Variants in CEP152 observed in about 807,000 individuals in gnomAD.
CEP152 encodes centrosomal protein 152.
CEP152 carries 132 observed loss-of-function variants against 188.9 expected under a neutral mutation model. The observed-to-expected ratio is 0.70, with a 90% CI of 0.61 to 0.81. The LOEUF (loss-of-function observed/expected upper bound fraction) is 0.81. Ranked by LOEUF, CEP152 falls within the 30% of genes least tolerant of loss-of-function variation. CEP152 has a pLI of 0.00. For synonymous variants in CEP152, 649 were observed against 666.6 expected, an observed-to-expected ratio of 0.97 and a Z score of 0.41; for missense variants, 1,914 against 1,969.8, an observed-to-expected ratio of 0.97 and a Z score of 0.54.
intron 20 of CEP152, among the ~76,000 whole-genome samples, chr15:48,753,446 C>G (rs1894026155): frequency 6.6e-6 from 1 of 152,124 alleles, no homozygotes; most frequent in African/African-American, 2.4e-5. Flanking sequence ...ACTATATATG[C>G]CTGATTCTAG....
Position 48,788,993 on chromosome 15 carries a change from C to G in CEP152, c.981G>C (p.Lys327Asn), listed in dbSNP as rs17339589. ...GAGCCATTTCAGTTGTTCTGGACTT[C>G]TTGATCATCTAGTAAATACACACAG... ...ALKVNEEQMI[K>N]KSRTTEMALE... Residue 327 changes from lysine to asparagine, a missense_variant, in exon 9 of 27, where the codon AAG becomes AAC. Coordinates refer to ENST00000380950, the MANE Select transcript of CEP152 (RefSeq NM_001194998.2). 6.2e-7 allele frequency: 1 copy of G among 1,613,818 alleles called. No individual in the cohort carries two copies. The highest frequency in any genetic ancestry group is 8.5e-7 in the Non-Finnish European group (1 of 1,179,822).
rs867699573 is a variant in CEP152, at chr15:48,756,529, T to G, written c.2719A>C (p.Lys907Gln). 1.2e-5 allele frequency: 20 copies of G among 1,607,648 alleles called. No individual in the cohort carries two copies. The East Asian group carries it at 4.2e-4, about 34-fold the overall frequency. ...TCAAGCTCACTCTTCCATTTCTCTT[T>G]AGCTTCAGAAACAGCAAATGATATC... ...KRISFAVSEA[K>Q]EKWKSELENM... Residue 907 changes from lysine to glutamine, a missense_variant, in exon 20 of 27, where the codon AAA becomes CAA. Physicochemically the swap from Lys to Gln is moderately conservative, Grantham distance 53. Coordinates refer to ENST00000380950, the MANE Select transcript of CEP152 (RefSeq NM_001194998.2).
chr15:48,784,178 A>G, intron 9 of CEP152, 58 bp from the exon 10 acceptor site: 1 of 1,506,072 alleles, frequency 6.6e-7, no homozygotes, highest in Non-Finnish European at 9.1e-7. Flanking sequence ...TAAAGAGTAA[A>G]CTAAAAATTA....
chr15:48,758,118 C>A (rs954932036), intron 19 of CEP152, among the ~76,000 whole-genome samples: 2 of 152,186 alleles, frequency 1.3e-5, no homozygotes, highest in Admixed American at 6.5e-5. Flanking sequence ...AGGGGCCAGG[C>A]AACAGTATTT....
chr15:48,746,800 A>T (rs1893465628), intron 22 of CEP152, among the ~76,000 whole-genome samples: 1 of 152,198 alleles, frequency 6.6e-6, no homozygotes, highest in Non-Finnish European at 1.5e-5. Flanking sequence ...TATAAAAAGC[A>T]TAGGAACTAT....
chr15:48,751,798 C>CA (rs1893894245), intron 21 of CEP152, among the ~76,000 whole-genome samples: 4 of 152,116 alleles, frequency 2.6e-5, no homozygotes, highest in Admixed American at 2.0e-4. Flanking sequence ...GCTCTGAATA[C>CA]AAGCGGCTCT....
At chr15:48,794,260 A>G (rs1031591714) in intron 6 of CEP152, among the ~76,000 whole-genome samples, 1 of 148,766 alleles carries the variant, frequency 6.7e-6, no homozygotes, top group Admixed American at 6.6e-5. Context: ...TTAAAAAGAG[A>G]AAAAAAATGG....
rs1021978522 is a variant in CEP152, at chr15:48,767,437, T to A, written c.2045A>T (p.His682Leu). 2 of 1,614,062 alleles carry A rather than the reference T, an allele frequency of 1.2e-6. No individual in the cohort carries two copies. Residue 682 changes from histidine to leucine, a missense_variant, in exon 16 of 27, where the codon CAT becomes CTT. His to Leu is a moderately conservative substitution (Grantham distance 99). Transcript: ENST00000380950. The part of the protein sequence containing the change: ...DRCERTYQQH[H>L]EAMKTQIRES... The stretch of plus-strand genomic sequence containing the variant: ...ACGTATTTGAGTTTTCATGGCTTCA[T>A]GGTGCTGCTGATAAGTCCTTTCACA...
chr15:48,741,333 T>C, intron 26 of CEP152: 1 of 1,239,532 alleles, frequency 8.1e-7, no homozygotes, highest in South Asian at 1.6e-5. Context: ...ATTTCTTCTT[T>C]TTCTCATTCT....
intron 1 of CEP152, among the ~76,000 whole-genome samples, chr15:48,807,990 C>T (rs1399826334): frequency 6.6e-6 from 1 of 151,814 alleles, no homozygotes; most frequent in African/African-American, 2.4e-5. Context: ...TCTAAAAATA[C>T]CTGAAAAGAC....
At chr15:48,755,819 A>C in intron 20 of CEP152, 84 bp downstream of exon 20, 1 of 1,590,210 alleles carries the variant, frequency 6.3e-7, no homozygotes. Context: ...CTAAAATTTA[A>C]AAGGAAAAAA....
chr15:48,746,975 G>A lies in CEP152; in HGVS notation c.3634+1468C>T, dbSNP rs999420867. On this transcript the variant is annotated intron_variant, in intron 22 of 26. Transcript: ENST00000380950. ...ATGAAATCCATGCTATGGCTCTACTGAGAGAAATTAAGAGAGCTGGGGGAA... is the reference window on the plus strand; with the variant it reads ...ATGAAATCCATGCTATGGCTCTACTAAGAGAAATTAAGAGAGCTGGGGGAA... 1.2e-4 allele frequency among the ~76,000 whole-genome samples: 19 copies of A among 152,300 alleles called. No individual in the cohort carries two copies. The South Asian group carries it at 2.9e-3, about 23-fold the overall frequency.
chr15:48,789,817 G>A (rs1045096202), intron 8 of CEP152, among the ~76,000 whole-genome samples: 9 of 152,140 alleles, frequency 5.9e-5, no homozygotes, highest in Non-Finnish European at 1.2e-4. Flanking sequence ...TAAAGCCTCC[G>A]GAAAGCAATG....
intron 2 of CEP152, among the ~76,000 whole-genome samples, chr15:48,730,947 C>T (rs1365599160): frequency 3.3e-5 from 5 of 152,024 alleles, no homozygotes; most frequent in African/African-American, 1.2e-4. Context: ...AAATTTATAG[C>T]GTATGTAAAG....
intron 2 of CEP152, among the ~76,000 whole-genome samples, chr15:48,798,856 T>C (rs901318006): frequency 4.5e-4 from 69 of 152,344 alleles, no homozygotes; most frequent in East Asian, 1.9e-4. Context: ...CTGTTAGACA[T>C]AATTCAATAA....
chr15:48,794,027 A>C (rs952981832), intron 6 of CEP152, among the ~76,000 whole-genome samples: 1 of 152,142 alleles, frequency 6.6e-6, no homozygotes, highest in Non-Finnish European at 1.5e-5. Flanking sequence ...GCTAGTGAAT[A>C]GATTAATCAA....
At chr15:48,801,427 T>C (rs1897662031) in intron 2 of CEP152, among the ~76,000 whole-genome samples, 1 of 152,218 alleles carries the variant, frequency 6.6e-6, no homozygotes. Context: ...ACCAAGTCAG[T>C]ATTGCCAAGT....
Position 48,738,928 on chromosome 15 carries a change from T to A in CEP152, c.4454A>T (p.Asn1485Ile), listed in dbSNP as rs1432718232. ...LHKKKDLLSD[N>I]GSESLPHSAA... is the part of the protein sequence containing the mutation. The stretch of plus-strand genomic sequence containing the variant: ...TGAATGCGGAAGTGATTCAGAACCA[T>A]TATCACTGAGTAGGTCTTTCTTCTT... The change falls in exon 27 of 27, where the codon AAT (asparagine) becomes ATT (isoleucine). Residue 1485 changes from asparagine (N) to isoleucine (I), a missense_variant. Asn to Ile is a moderately radical substitution (Grantham distance 149). Coordinates refer to ENST00000380950, the MANE Select transcript of CEP152 (RefSeq NM_001194998.2). The A allele has an allele frequency of 6.2e-7, 1 of 1,614,144 alleles. No homozygotes were observed.
At chr15:48,759,788 G>A (rs1295154609) in intron 19 of CEP152, among the ~76,000 whole-genome samples, 1 of 152,102 alleles carries the variant, frequency 6.6e-6, no homozygotes, top group Non-Finnish European at 1.5e-5. Context: ...AATGTTACAA[G>A]ACTACTAACA....
Sources: allele counts gnomAD v4.1 joint callset (sites outside exome capture counted in the v4.1 genomes callset), GRCh38; gene constraint gnomAD v4.1.1; transcripts MANE v1.5; gene names NCBI Gene and HGNC (gene_info 2026-07-23, HGNC 2026-07-21).